Variants in SYT16 observed in about 807,000 individuals in gnomAD.
SYT16 encodes synaptotagmin 16.
SYT16 carries 42 observed loss-of-function variants against 61.4 expected under a neutral mutation model. That is an observed-to-expected ratio of 0.68 (90% CI 0.53 to 0.89). SYT16 has a LOEUF of 0.89. Among genes scored for constraint, SYT16 ranks in the 40% least tolerant of loss-of-function variants. The pLI is 0.00. For synonymous variants in SYT16, 314 were observed against 302.3 expected, an observed-to-expected ratio of 1.04 and a Z score of -0.40; for missense variants, 804 against 807.3, an observed-to-expected ratio of 1.00 and a Z score of 0.05.
chr14:61,996,321 CTG>C lies in SYT16; in HGVS notation c.303_304del (p.Ala102ProfsTer8). On this transcript the variant is annotated frameshift_variant, in exon 3 of 8. Coordinates refer to ENST00000683842, the MANE Select transcript of SYT16 (RefSeq NM_001367656.1). LOFTEE classifies it high-confidence loss of function. The stretch of plus-strand genomic sequence containing the variant: ...TGTTGTAATAGTGATTTGCAGGACT[CTG>C]CCCAAAATTCAAGCCCAAGCCTTAG... The C allele has an allele frequency of 1.2e-6, 2 of 1,613,416 alleles. No individual in the cohort carries two copies. Among genetic ancestry groups the C allele is most frequent in the Non-Finnish European group, 1.7e-6 (2 of 1,179,520 alleles).
intron 2 of SYT16, among the ~76,000 whole-genome samples, chr14:61,970,642 C>T (rs565256437): frequency 6.6e-6 from 1 of 152,288 alleles, no homozygotes; most frequent in South Asian, 2.1e-4. Flanking sequence ...TTTCAGTGCT[C>T]AGGACCATGT....
At chr14:62,085,627 C>T (rs1181567850) in intron 7 of SYT16, among the ~76,000 whole-genome samples, 1 of 152,152 alleles carries the variant, frequency 6.6e-6, no homozygotes, top group Non-Finnish European at 1.5e-5. Flanking sequence ...AACTATGCTG[C>T]AGCCCACAAA....
At chr14:61,920,701 A>G (rs909311539) in intron 1 of SYT16, among the ~76,000 whole-genome samples, 6 of 152,216 alleles carry the variant, frequency 3.9e-5, no homozygotes, top group African/African-American at 1.2e-4. Context: ...CATTTGTTGA[A>G]TGAATATTTA....
chr14:61,892,283 C>A (rs2048164228), intron 1 of SYT16, among the ~76,000 whole-genome samples: 1 of 152,034 alleles, frequency 6.6e-6, no homozygotes, highest in East Asian at 1.9e-4. Flanking sequence ...TCTTTCCATC[C>A]CCTTGATTTC....
intron 1 of SYT16, among the ~76,000 whole-genome samples, chr14:61,901,291 G>A (rs565991583): frequency 6.6e-6 from 1 of 152,178 alleles, no homozygotes; most frequent in Non-Finnish European, 1.5e-5. Flanking sequence ...TATGGCTGCT[G>A]CTGCTGCTGC....
rs749550880 is a variant in SYT16, at chr14:62,104,980, T to C, written c.*4273T>C. On this transcript the variant is annotated 3_prime_UTR_variant, in exon 8 of 8. Coordinates refer to ENST00000683842, the MANE Select transcript of SYT16 (RefSeq NM_001367656.1). ...TGTGTCTTCTTTTTCTAGCAAATGT[T>C]ATTATAACACTAGAGAAAAACAAAA... 2 of 152,290 alleles carry C rather than the reference T, an allele frequency of 1.3e-5. No individual in the cohort carries two copies. Among genetic ancestry groups the C allele is most frequent in the Middle Eastern group, 3.4e-3 (1 of 294 alleles). 9.4% of individuals were successfully genotyped at this position (152,290 alleles called of 1,614,324 possible). A position where few individuals can be genotyped will look rare whatever the true frequency, so the allele number is the denominator to read the frequency against.
At chr14:61,907,124 A>C (rs1440281868) in intron 1 of SYT16, among the ~76,000 whole-genome samples, 1 of 152,238 alleles carries the variant, frequency 6.6e-6, no homozygotes, top group African/African-American at 2.4e-5. Context: ...AGGTGAGCTG[A>C]GCAGAGTGAT....
At chr14:62,025,335 C>T (rs938351462) in intron 3 of SYT16, among the ~76,000 whole-genome samples, 9 of 151,866 alleles carry the variant, frequency 5.9e-5, no homozygotes, top group Non-Finnish European at 7.4e-5. Flanking sequence ...AATTTGTAGC[C>T]CCTGAATGAT....
chr14:62,020,366 A>C (rs971779324), intron 3 of SYT16, among the ~76,000 whole-genome samples: 5 of 152,048 alleles, frequency 3.3e-5, no homozygotes, highest in African/African-American at 9.7e-5. Context: ...CATCTTTGTC[A>C]CTTAATTTTA....
At chr14:62,099,191 G>A (rs959885165) in intron 7 of SYT16, among the ~76,000 whole-genome samples, 4 of 152,158 alleles carry the variant, frequency 2.6e-5, no homozygotes, top group African/African-American at 7.2e-5. Context: ...GAGTGACATG[G>A]CCAGATTTGT....
intron 1 of SYT16, among the ~76,000 whole-genome samples, chr14:61,894,043 G>A (rs987679119): frequency 2.6e-5 from 4 of 152,192 alleles, no homozygotes; most frequent in Admixed American, 6.5e-5. Flanking sequence ...CAGCACTTTG[G>A]GAGGCCAAGG....
intron 3 of SYT16, among the ~76,000 whole-genome samples, chr14:62,047,800 CA>C (rs1052121673): frequency 9.2e-5 from 14 of 152,216 alleles, no homozygotes; most frequent in African/African-American, 3.4e-4. Flanking sequence ...TATGTTGAAC[CA>C]GCCTTGCATC....
chr14:61,935,748 G>A (rs2049957559), intron 1 of SYT16, among the ~76,000 whole-genome samples: 1 of 152,230 alleles, frequency 6.6e-6, no homozygotes, highest in Admixed American at 6.5e-5. Context: ...GTTTCTGGTA[G>A]TAATTATGGT....
At chr14:61,958,909 G>C (rs928870486) in intron 1 of SYT16, among the ~76,000 whole-genome samples, 3 of 151,890 alleles carry the variant, frequency 2.0e-5, no homozygotes, top group Non-Finnish European at 2.9e-5. Flanking sequence ...GTCAATGTTT[G>C]TTTTATATTT....
chr14:62,076,262 C>A (rs1281305102), intron 5 of SYT16, among the ~76,000 whole-genome samples: 2 of 152,004 alleles, frequency 1.3e-5, no homozygotes, highest in Non-Finnish European at 2.9e-5. Context: ...GTGTTTAATA[C>A]CTAATTTGAA....
intron 3 of SYT16, among the ~76,000 whole-genome samples, chr14:62,064,952 T>C (rs904807064): frequency 1.3e-5 from 2 of 152,166 alleles, no homozygotes; most frequent in African/African-American, 2.4e-5. Context: ...AGATCGCAAG[T>C]TTCATTTTTA....
chr14:61,869,605 C>T (rs1470876397), intron 1 of SYT16, among the ~76,000 whole-genome samples: 2 of 152,162 alleles, frequency 1.3e-5, no homozygotes, highest in Non-Finnish European at 2.9e-5. Context: ...CACCCAACTG[C>T]TGTGGACTGA....
intron 1 of SYT16, among the ~76,000 whole-genome samples, chr14:61,864,039 C>G (rs1304195784): frequency 3.3e-5 from 5 of 152,190 alleles, no homozygotes; most frequent in Non-Finnish European, 7.3e-5. Context: ...TAGTATCAGT[C>G]CTCCAACTTT....
At chr14:62,049,172 C>A (rs531037938) in intron 3 of SYT16, among the ~76,000 whole-genome samples, 1 of 152,298 alleles carries the variant, frequency 6.6e-6, no homozygotes, top group Non-Finnish European at 1.5e-5. Context: ...GTATTGGGTA[C>A]ATATATATTT....
Sources: allele counts gnomAD v4.1 joint callset (sites outside exome capture counted in the v4.1 genomes callset), GRCh38; gene constraint gnomAD v4.1.1; transcripts MANE v1.5; gene names NCBI Gene and HGNC (gene_info 2026-07-23, HGNC 2026-07-21).